The following APBB2 variants were observed in gnomAD, a reference collection of about 807,000 sequenced individuals.
APBB2 encodes the protein Fe65-like 1.
APBB2 carries 38 observed loss-of-function variants against 82.5 expected under a neutral mutation model. The ratio of observed to expected loss-of-function variants is 0.46; its 90% CI spans 0.36 to 0.60. The LOEUF is 0.60. APBB2 is among the 20% of genes least tolerant of loss of function. The pLI is 0.00. For missense variants in APBB2, 772 were observed against 972.3 expected (o/e 0.79, Z 2.74); for synonymous variants, 341 against 368.2 (o/e 0.93, Z 0.85).
rs1553868547 is a variant in APBB2, at chr4:40,934,441, C to T, written c.1254+15G>A. The T allele has an allele frequency of 6.2e-7, 1 of 1,612,356 alleles. No homozygotes were observed. Among genetic ancestry groups the T allele is most frequent in the Non-Finnish European group, 8.5e-7 (1 of 1,178,434 alleles). ...AAGAATATAACCTGGTGGCTGAAAG[C>T]AAGTCTTTACAAACCTTGGCTTCTG... On this transcript the variant is annotated intron_variant, in intron 10 of 17. Transcript: ENST00000508593.
chr4:41,078,950 G>A (rs1341903777), intron 3 of APBB2, among the ~76,000 whole-genome samples: 9 of 152,196 alleles, frequency 5.9e-5, no homozygotes, highest in African/African-American at 9.7e-5. Context: ...GCCAAGGCTT[G>A]CACATGACTT....
rs575226528 is a variant in APBB2, at chr4:40,836,066, G to A, written c.1530-5489C>T. Reference sequence around the variant, plus strand: ...TTGTGCTTGAGGAGCACCAGGTGACGAGGCCCACCAAGCAGGTGGGTGCTG... The same window carrying A: ...TTGTGCTTGAGGAGCACCAGGTGACAAGGCCCACCAAGCAGGTGGGTGCTG... On this transcript the variant is annotated intron_variant, in intron 12 of 17. Transcript: ENST00000508593. 2.6e-5 allele frequency among the ~76,000 whole-genome samples: 4 copies of A among 152,260 alleles called. No homozygotes were observed. In the South Asian group the frequency reaches 6.2e-4, roughly 24 times the overall value.
intron 11 of APBB2, among the ~76,000 whole-genome samples, chr4:40,892,078 G>A (rs925075994): frequency 6.6e-6 from 1 of 151,788 alleles, no homozygotes; most frequent in Non-Finnish European, 1.5e-5. Flanking sequence ...AGCCTCTCGA[G>A]TAGCTGGGAC....
intron 12 of APBB2, among the ~76,000 whole-genome samples, chr4:40,835,486 TTG>T (rs1560648491): frequency 1.3e-5 from 2 of 152,056 alleles, no homozygotes; most frequent in African/African-American, 4.8e-5. Context: ...TCAAAGAACA[TTG>T]AAACAGGTAT....
chr4:40,931,056 T>C (rs1036017401), intron 10 of APBB2, among the ~76,000 whole-genome samples: 2 of 152,106 alleles, frequency 1.3e-5, no homozygotes, highest in Non-Finnish European at 2.9e-5. Context: ...CCAAATATTA[T>C]TTTTAAAGTC....
chr4:41,143,383 G>A (rs1159161044), intron 1 of APBB2, among the ~76,000 whole-genome samples: 2 of 152,174 alleles, frequency 1.3e-5, no homozygotes, highest in Non-Finnish European at 2.9e-5. Context: ...CTGTTTGTGG[G>A]AAACTGAAAA....
At chr4:40,877,831 CTAT>C (rs952245549) in intron 12 of APBB2, among the ~76,000 whole-genome samples, 11 of 152,206 alleles carry the variant, frequency 7.2e-5, no homozygotes, top group Non-Finnish European at 7.3e-5. Flanking sequence ...GTGTCATGAA[CTAT>C]TGTCCAGTGG....
At chr4:40,853,424 C>T (rs150371960) in intron 12 of APBB2, among the ~76,000 whole-genome samples, 307 of 152,102 alleles carry the variant, frequency 2.0e-3, no homozygotes, top group Middle Eastern at 6.8e-3. Flanking sequence ...TCCTCAGGCA[C>T]GTTGAGTGCT....
intron 10 of APBB2, among the ~76,000 whole-genome samples, chr4:40,906,356 T>C (rs1256654148): frequency 6.8e-6 from 1 of 147,782 alleles, no homozygotes; most frequent in Non-Finnish European, 1.5e-5. Context: ...CTCAGGAGGC[T>C]GAGGTGAGAG....
At chr4:40,940,529 G>A (rs999868456) in intron 7 of APBB2, among the ~76,000 whole-genome samples, 6 of 152,122 alleles carry the variant, frequency 3.9e-5, no homozygotes, top group African/African-American at 1.4e-4. Flanking sequence ...GAAAAATGAC[G>A]GCAGAACGGC....
At chr4:41,162,198 CTTTTT>C (rs563526597) in intron 1 of APBB2, among the ~76,000 whole-genome samples, 2 of 135,792 alleles carry the variant, frequency 1.5e-5, no homozygotes, top group Non-Finnish European at 3.2e-5. Flanking sequence ...ATTTCCCCGT[CTTTTT>C]TTTTTTTTTT....
chr4:40,976,194 G>C (rs756298857), intron 6 of APBB2, among the ~76,000 whole-genome samples: 1 of 151,834 alleles, frequency 6.6e-6, no homozygotes, highest in Non-Finnish European at 1.5e-5. Context: ...AGAGTTAATA[G>C]CATATAGAAA....
At chr4:40,928,646 G>A (rs1034790196) in intron 10 of APBB2, among the ~76,000 whole-genome samples, 1 of 151,922 alleles carries the variant, frequency 6.6e-6, no homozygotes, top group South Asian at 2.1e-4. Flanking sequence ...AGCACTTTGA[G>A]AGGCCAAGGC....
chr4:41,149,734 G>A (rs1334801597), intron 1 of APBB2, among the ~76,000 whole-genome samples: 2 of 152,118 alleles, frequency 1.3e-5, no homozygotes, highest in Non-Finnish European at 1.5e-5. Flanking sequence ...ATCCCCATGT[G>A]TCATGGCAGG....
At chr4:40,999,046 C>T (rs1804418477) in intron 6 of APBB2, among the ~76,000 whole-genome samples, 5 of 151,952 alleles carry the variant, frequency 3.3e-5, no homozygotes, top group Admixed American at 1.3e-4. Context: ...TAACTGAAGC[C>T]ACAGAAAGTG....
intron 10 of APBB2, among the ~76,000 whole-genome samples, chr4:40,896,608 A>G (rs1773724294): frequency 6.6e-6 from 1 of 152,268 alleles, no homozygotes; most frequent in Non-Finnish European, 1.5e-5. Context: ...GCAAATAAAT[A>G]CAGTGTCATG....
chr4:41,211,506 G>A (rs965403287), intron 1 of APBB2, among the ~76,000 whole-genome samples: 1 of 150,496 alleles, frequency 6.6e-6, no homozygotes, highest in Admixed American at 6.7e-5. Flanking sequence ...ATTTTGAGAC[G>A]GAGTCTCACC....
At chr4:40,902,703 T>G (rs112786602) in intron 10 of APBB2, among the ~76,000 whole-genome samples, 5,862 of 152,214 alleles carry the variant, frequency 0.039, 366 homozygotes, top group African/African-American at 0.13. Flanking sequence ...GCTAGTTTTT[T>G]ATTTTTTGTA....
At chr4:41,111,796 A>C (rs1322629005) in intron 2 of APBB2, among the ~76,000 whole-genome samples, 1 of 152,232 alleles carries the variant, frequency 6.6e-6, no homozygotes, top group Non-Finnish European at 1.5e-5. Flanking sequence ...CTATATTCTC[A>C]TTTTAACATG....
Sources: allele counts gnomAD v4.1 joint callset (sites outside exome capture counted in the v4.1 genomes callset), GRCh38; gene constraint gnomAD v4.1.1; transcripts MANE v1.5; gene names NCBI Gene and HGNC (gene_info 2026-07-23, HGNC 2026-07-21).